OTULIN: variants seen among roughly 807,000 people sequenced by gnomAD.
OTULIN encodes OTU deubiquitinase with linear linkage specificity, also known as ubiquitin thioesterase otulin.
OTULIN carries 15 observed loss-of-function variants against 39.6 expected under a neutral mutation model. The ratio of observed to expected loss-of-function variants is 0.38; its 90% CI spans 0.25 to 0.58. OTULIN has a LOEUF of 0.58. Among genes scored for constraint, OTULIN ranks in the 20% least tolerant of loss-of-function variants. The pLI, the probability that OTULIN is intolerant of heterozygous loss-of-function variation, is 0.66. For missense variants in OTULIN, 319 were observed against 445.9 expected, an observed-to-expected ratio of 0.72 and a Z score of 2.56; for synonymous variants, 156 against 170.3, an observed-to-expected ratio of 0.92 and a Z score of 0.65.
intron 2 of OTULIN, among the ~76,000 whole-genome samples, chr5:14,678,176 C>A (rs1450874411): frequency 6.6e-6 from 1 of 152,188 alleles, no homozygotes; most frequent in Non-Finnish European, 1.5e-5. Context: ...AAGGTGCCAG[C>A]TGACTCTGGA....
In OTULIN at chr5:14,696,234, G is replaced by C. The variant is rs1393452990; in HGVS notation, c.*3186G>C. 2 of 152,160 alleles carry C rather than the reference G, an allele frequency of 1.3e-5. No individual in the cohort carries two copies. The highest frequency in any genetic ancestry group is 2.9e-5 in the Non-Finnish European group (2 of 68,020). The allele number at this position is 152,160 out of a possible 1,614,324, so 9.4% of individuals were successfully genotyped here. On this transcript the variant is annotated 3_prime_UTR_variant, in exon 7 of 7. Coordinates refer to ENST00000284274, the MANE Select transcript of OTULIN (RefSeq NM_138348.6). ...GTGCTGAATCACCTTTAATGATACA[G>C]CACTTCTGCCATCTCAGCATCTACA...
the OTULIN span, chr5:14,705,258 T>C: frequency 6.6e-6 from 1 of 152,092 alleles, no homozygotes; most frequent in African/African-American, 2.4e-5. Context: ...TGTAGAGGAA[T>C]GACTCTAAGC....
At chr5:14,685,531 C>T (rs1240661846) in intron 4 of OTULIN, among the ~76,000 whole-genome samples, 1 of 152,178 alleles carries the variant, frequency 6.6e-6, no homozygotes, top group Non-Finnish European at 1.5e-5. Context: ...AATTTGACTT[C>T]ATTCTTTTCT....
intron 4 of OTULIN, 108 bp downstream of exon 4, chr5:14,681,715 C>A: frequency 7.9e-7 from 1 of 1,263,802 alleles, no homozygotes; most frequent in Non-Finnish European, 1.1e-6. Context: ...AGTATGATGT[C>A]AGCATGTGCG....
intron 5 of OTULIN, among the ~76,000 whole-genome samples, chr5:14,688,323 G>GC (rs1255109546): frequency 6.6e-6 from 1 of 152,108 alleles, no homozygotes; most frequent in Non-Finnish European, 1.5e-5. Flanking sequence ...CCTGTCACTT[G>GC]CGCCAGGGTG....
intron 2 of OTULIN, among the ~76,000 whole-genome samples, chr5:14,677,081 A>G (rs1736121184): frequency 6.6e-6 from 1 of 152,238 alleles, no homozygotes; most frequent in African/African-American, 2.4e-5. Context: ...TTGTAAAAGA[A>G]TTCACAGTGA....
chr5:14,711,019 G>A, the OTULIN span: 13 of 658,974 alleles, frequency 2.0e-5, no homozygotes, highest in African/African-American at 1.2e-4. Context: ...AGGTCCCCCC[G>A]TCAGTGTGAG....
chr5:14,708,197 G>A, the OTULIN span: 2 of 152,288 alleles, frequency 1.3e-5, no homozygotes, highest in Admixed American at 6.5e-5. Flanking sequence ...ACTCAAACAG[G>A]CCACCAAAGG....
chr5:14,711,752 C>T, the OTULIN span, among the ~76,000 whole-genome samples: 4 of 152,326 alleles, frequency 2.6e-5, no homozygotes, highest in African/African-American at 7.2e-5. Context: ...CCAGGCTTGC[C>T]GTCATTCTCT....
chr5:14,667,757 T>G (rs921607348), intron 1 of OTULIN, among the ~76,000 whole-genome samples: 3 of 152,216 alleles, frequency 2.0e-5, no homozygotes, highest in Non-Finnish European at 4.4e-5. Context: ...AGCAGCTCAT[T>G]TGAGAGCTGT....
chr5:14,704,713 A>G (rs1162790008), downstream of OTULIN: 1 of 152,176 alleles, frequency 6.6e-6, no homozygotes, highest in Non-Finnish European at 1.5e-5. Flanking sequence ...GGGAAACTGT[A>G]ATCAGGATTA....
intron 1 of OTULIN, among the ~76,000 whole-genome samples, chr5:14,671,344 T>G (rs1440762643): frequency 6.6e-6 from 1 of 152,228 alleles, no homozygotes; most frequent in Non-Finnish European, 1.5e-5. Flanking sequence ...CCATGTAGCT[T>G]ACACGGCCTC....
At chr5:14,701,414 C>G (rs977519089), downstream of OTULIN, among the ~76,000 whole-genome samples, 3 of 152,160 alleles carry the variant, frequency 2.0e-5, no homozygotes, top group African/African-American at 7.2e-5. Context: ...TTTGGACCCC[C>G]TGCCCTGTCA....
intron 4 of OTULIN, among the ~76,000 whole-genome samples, chr5:14,682,956 A>G (rs1481118051): frequency 6.6e-6 from 1 of 152,150 alleles, no homozygotes; most frequent in Non-Finnish European, 1.5e-5. Context: ...TAGAATAAAG[A>G]AGACTTTTAG....
At chr5:14,689,757 T>G (rs1012212372) in intron 5 of OTULIN, among the ~76,000 whole-genome samples, 1 of 152,216 alleles carries the variant, frequency 6.6e-6, no homozygotes, top group African/African-American at 2.4e-5. Flanking sequence ...GATTGGCTGG[T>G]TCAATCTCAT....
intron 4 of OTULIN, among the ~76,000 whole-genome samples, chr5:14,682,125 A>G (rs1736265778): frequency 6.6e-6 from 1 of 152,220 alleles, no homozygotes; most frequent in African/African-American, 2.4e-5. Flanking sequence ...GGCCCTCTTT[A>G]GCGTTTTAAA....
intron 3 of OTULIN, among the ~76,000 whole-genome samples, chr5:14,680,545 G>A (rs1736220387): frequency 6.6e-6 from 1 of 152,160 alleles, no homozygotes; most frequent in African/African-American, 2.4e-5. Flanking sequence ...GGAGATGGTG[G>A]GCAGTTCAGT....
At chr5:14,678,433 C>T (rs150654779) in intron 2 of OTULIN, among the ~76,000 whole-genome samples, 6 of 152,290 alleles carry the variant, frequency 3.9e-5, no homozygotes, top group African/African-American at 1.4e-4. Flanking sequence ...ATGGATCATC[C>T]TGGCTAGCTA....
At chr5:14,677,668 G>C (rs902500803) in intron 2 of OTULIN, among the ~76,000 whole-genome samples, 1 of 151,954 alleles carries the variant, frequency 6.6e-6, no homozygotes, top group Non-Finnish European at 1.5e-5. Flanking sequence ...TTTTAATTTT[G>C]GGGGATGTGT....
Sources: allele counts gnomAD v4.1 joint callset (sites outside exome capture counted in the v4.1 genomes callset), GRCh38; gene constraint gnomAD v4.1.1; transcripts MANE v1.5; gene names NCBI Gene and HGNC (gene_info 2026-07-23, HGNC 2026-07-21).